The following ERLIN1 variants were observed in gnomAD, a reference collection of about 807,000 sequenced individuals.
The protein encoded by ERLIN1 is erlin-1.
A neutral mutation model predicts 46.9 loss-of-function variants in ERLIN1; 24 were observed. The observed-to-expected ratio is 0.51, with a 90% CI of 0.37 to 0.72. The LOEUF (loss-of-function observed/expected upper bound fraction) is 0.72. Ranked by LOEUF, ERLIN1 falls within the 30% of genes least tolerant of loss-of-function variation. The pLI is 0.00. For missense variants in ERLIN1, 293 were observed against 417.9 expected (o/e 0.70, Z 2.61); for synonymous variants, 158 against 143.2 (o/e 1.10, Z -0.74).
chr10:100,161,776 T>C (rs1843375343), intron 8 of ERLIN1, among the ~76,000 whole-genome samples: 1 of 152,156 alleles, frequency 6.6e-6, no homozygotes, highest in Non-Finnish European at 1.5e-5. Context: ...ATAAATTATG[T>C]ATAGTATCTT....
chr10:100,171,365 C>A (rs1843984692), intron 6 of ERLIN1, among the ~76,000 whole-genome samples: 1 of 152,274 alleles, frequency 6.6e-6, no homozygotes, highest in South Asian at 2.1e-4. Flanking sequence ...TTCTACCCCT[C>A]TCAAAGGGTA....
intron 9 of ERLIN1, 45 bp downstream of exon 9, chr10:100,156,100 G>T: frequency 8.2e-7 from 1 of 1,223,772 alleles, no homozygotes; most frequent in Non-Finnish European, 1.2e-6. Flanking sequence ...GCAGAGAGGA[G>T]GCAGTTCGGG....
At chr10:100,154,200 TAC>T (rs949090740) in intron 10 of ERLIN1, among the ~76,000 whole-genome samples, 1 of 152,308 alleles carries the variant, frequency 6.6e-6, no homozygotes, top group Admixed American at 6.5e-5. Flanking sequence ...ACTAGCCCTG[TAC>T]CGTCTAGCCA....
intron 5 of ERLIN1, 134 bp from the exon 6 acceptor site, chr10:100,174,415 C>G: frequency 1.7e-6 from 1 of 602,758 alleles, no homozygotes; most frequent in Non-Finnish European, 2.9e-6. Flanking sequence ...CTTAAACTGC[C>G]TTTTCTTCCC....
Position 100,185,613 on chromosome 10 carries a change from T to G in ERLIN1, c.14A>C (p.Gln5Pro), listed in dbSNP as rs764593112. MNMTQARVLVAAVVG... is the reference protein window; with the variant it reads MNMTPARVLVAAVVG... Reference sequence around the variant, plus strand: ...CACTGCAGCCACCAGAACCCGGGCTTGAGTCATATTCATTCTCGTTCCTCC... The same window carrying G: ...CACTGCAGCCACCAGAACCCGGGCTGGAGTCATATTCATTCTCGTTCCTCC... Residue 5 changes from glutamine (Q) to proline (P), a missense_variant, in exon 1 of 11, where the codon CAA becomes CCA. Gln to Pro is a moderately conservative substitution (Grantham distance 76, BLOSUM62 -1). Around this residue, in one of 3 missense-constraint regions of ERLIN1, gnomAD observed 76 missense variants for 77.0 expected, o/e 0.99. Coordinates refer to ENST00000421367, the MANE Select transcript of ERLIN1 (RefSeq NM_006459.4). The G allele has an allele frequency of 3.1e-6, 5 of 1,613,814 alleles. No individual in the cohort carries two copies. Among genetic ancestry groups the G allele is most frequent in the Non-Finnish European group, 4.2e-6 (5 of 1,179,812 alleles).
rs535626603 is a variant in ERLIN1 at position 100,169,259 on chromosome 10, A to G, written c.505-1853T>C. Among the ~76,000 whole-genome samples the G allele has an allele frequency of 2.9e-3, 438 of 152,254 alleles. 4 individuals are homozygous for G. The highest frequency in any genetic ancestry group is 0.01 in the African/African-American group (427 of 41,540). ...TCTGCTCTTAACCTCAAATAATAAAATAATGCCCCCATCCCACTCACATAC... is the reference window on the plus strand; with the variant it reads ...TCTGCTCTTAACCTCAAATAATAAAGTAATGCCCCCATCCCACTCACATAC... On this transcript the variant is annotated intron_variant, in intron 6 of 10. Transcript: ENST00000421367.
intron 2 of ERLIN1, among the ~76,000 whole-genome samples, chr10:100,181,546 C>T (rs1217114421): frequency 7.8e-6 from 1 of 128,808 alleles, no homozygotes; most frequent in South Asian, 2.4e-4. Context: ...ACGGAGTCTT[C>T]CTCTGTTGCC....
intron 6 of ERLIN1, among the ~76,000 whole-genome samples, chr10:100,170,404 A>G (rs1464171227): frequency 6.6e-6 from 1 of 152,244 alleles, no homozygotes; most frequent in Non-Finnish European, 1.5e-5. Context: ...GGAGATCTCT[A>G]CCACTTTAAG....
chr10:100,181,244 T>A (rs72840045), intron 2 of ERLIN1, among the ~76,000 whole-genome samples: 9,644 of 152,296 alleles, frequency 0.063, 523 homozygotes, highest in Admixed American at 0.16. Flanking sequence ...TACTTTTATA[T>A]TTCTTTTATG....
chr10:100,176,111 T>C lies in ERLIN1; in HGVS notation c.305-41A>G. 2.5e-6 allele frequency: 4 copies of C among 1,583,984 alleles called. No homozygotes were observed. The Middle Eastern group carries it at 5.0e-4, about 199-fold the overall frequency. On this transcript the variant is annotated intron_variant, in intron 4 of 10. Coordinates refer to ENST00000421367, the MANE Select transcript of ERLIN1 (RefSeq NM_006459.4). ...AACCCATGTTTGTTTTACCCAACAA[T>C]GACACAGGTACCTTCAAATTCAGCC... is the stretch of plus-strand genomic sequence containing the variant.
In ERLIN1 at chr10:100,185,702, C is replaced by T. The variant is rs1844930680; in HGVS notation, c.-76G>A. ...CAGGTCCACCCCCTCCAGTTTCTAC[C>T]CTCTCCCTCCGGAAACTTGGCGCTC... On this transcript the variant is annotated 5_prime_UTR_variant, in exon 1 of 11. Coordinates refer to ENST00000421367, the MANE Select transcript of ERLIN1 (RefSeq NM_006459.4). The T allele has an allele frequency of 8.2e-7, 1 of 1,217,004 alleles. No homozygotes were observed. Among genetic ancestry groups the T allele is most frequent in the East Asian group, 2.3e-5 (1 of 42,846 alleles). The allele number at this position is 1,217,004 out of a possible 1,614,324, so 75.4% of individuals were successfully genotyped here. A position where few individuals can be genotyped will look rare whatever the true frequency, so the allele number is the denominator to read the frequency against.
intron 6 of ERLIN1, among the ~76,000 whole-genome samples, chr10:100,171,165 G>A (rs1479604056): frequency 6.6e-6 from 1 of 152,042 alleles, no homozygotes; most frequent in Non-Finnish European, 1.5e-5. Context: ...CTTAAAACAT[G>A]CCAGCTCAGC....
rs1844966259 is a variant in ERLIN1, at chr10:100,186,020, C to CGCCGCCAACA, written c.-395_-394insTGTTGGCGGC. ...CAGCCGACTCCCGCGCCGAGCCAAC[C>CGCCGCCAACA]GCCGCCAACAGCCGGCCCCGCCCAC... On this transcript the variant is annotated 5_prime_UTR_variant, in exon 1 of 11. Coordinates refer to ENST00000421367, the MANE Select transcript of ERLIN1 (RefSeq NM_006459.4). 5 of 418,422 alleles carry CGCCGCCAACA rather than the reference C, an allele frequency of 1.2e-5. No homozygotes were observed. In the Admixed American group the frequency reaches 1.3e-4, roughly 11 times the overall value. The allele number at this position is 418,422 out of a possible 1,614,324, so 25.9% of individuals were successfully genotyped here.
rs1479068057 is a variant in ERLIN1, at chr10:100,173,509, TA to T, written c.504+698del. Among the ~76,000 whole-genome samples the T allele has an allele frequency of 3.3e-5, 5 of 152,130 alleles. No individual in the cohort carries two copies. In the East Asian group the frequency reaches 7.7e-4, roughly 23 times the overall value. ...ATTTAAAATGCTGTTCATGACTCAC[TA>T]AAGTTGATTTTACAACCCACAATCT... On this transcript the variant is annotated intron_variant, in intron 6 of 10. Transcript: ENST00000421367.
chr10:100,165,865 A>G (rs1047535835), intron 7 of ERLIN1, among the ~76,000 whole-genome samples: 1 of 152,074 alleles, frequency 6.6e-6, no homozygotes, highest in African/African-American at 2.4e-5. Flanking sequence ...AGCTGGGATT[A>G]TAGGTGCCTG....
At position 100,150,551 on chromosome 10, in the gene ERLIN1, A is replaced by G. The variant is rs1313403150; in HGVS notation, c.*1580T>C. ...TAGAATTAAATGAGCAAAAATGAAAAATTATTTTCTCCATATTACAAATGC... is the reference window on the plus strand; with the variant it reads ...TAGAATTAAATGAGCAAAAATGAAAGATTATTTTCTCCATATTACAAATGC... On this transcript the variant is annotated 3_prime_UTR_variant, in exon 11 of 11. Transcript: ENST00000421367. 1 of 152,652 alleles carries G rather than the reference A, an allele frequency of 6.6e-6. No individual in the cohort carries two copies. Among genetic ancestry groups the G allele is most frequent in the African/African-American group, 2.4e-5 (1 of 41,462 alleles). 9.5% of individuals were successfully genotyped at this position (152,652 alleles called of 1,614,324 possible). A position where few individuals can be genotyped will look rare whatever the true frequency, so the allele number is the denominator to read the frequency against.
chr10:100,179,049 G>A (rs1844479595), intron 3 of ERLIN1, among the ~76,000 whole-genome samples, 152 bp downstream of exon 3: 1 of 152,190 alleles, frequency 6.6e-6, no homozygotes, highest in Non-Finnish European at 1.5e-5. Context: ...GCTCCTATTT[G>A]GAGATAGGCC....
At chr10:100,177,206 T>C (rs1844361651) in intron 4 of ERLIN1, among the ~76,000 whole-genome samples, 1 of 152,218 alleles carries the variant, frequency 6.6e-6, no homozygotes, top group South Asian at 2.1e-4. Flanking sequence ...AAATGAATTA[T>C]ATCTAAATAG....
At chr10:100,153,798 A>G (rs1029790495) in intron 10 of ERLIN1, among the ~76,000 whole-genome samples, 3 of 152,184 alleles carry the variant, frequency 2.0e-5, no homozygotes, top group Non-Finnish European at 4.4e-5. Context: ...AGCTTCTCCC[A>G]TTAGATTTGG....
Sources: allele counts gnomAD v4.1 joint callset (sites outside exome capture counted in the v4.1 genomes callset), GRCh38; gene constraint gnomAD v4.1.1; regional missense constraint gnomAD v4.1.1; transcripts MANE v1.5; gene names NCBI Gene and HGNC (gene_info 2026-07-23, HGNC 2026-07-21).